FER: variants seen among roughly 807,000 people sequenced by gnomAD.
FER encodes the protein FER tyrosine kinase.
Under a neutral mutation model 111.0 loss-of-function variants are expected in FER, and 63 were observed. The ratio of observed to expected loss-of-function variants is 0.57; its 90% CI spans 0.46 to 0.70. FER has a LOEUF of 0.70. FER is among the 30% of genes least tolerant of loss of function. The pLI, the probability that FER is intolerant of heterozygous loss-of-function variation, is 0.00. For missense variants in FER, 914 were observed against 954.0 expected, an observed-to-expected ratio of 0.96 and a Z score of 0.55; for synonymous variants, 327 against 313.9, an observed-to-expected ratio of 1.04 and a Z score of -0.44.
intron 12 of FER, among the ~76,000 whole-genome samples, chr5:108,958,457 G>A (rs1172017908): frequency 6.6e-6 from 1 of 151,748 alleles, no homozygotes; most frequent in East Asian, 1.9e-4. Flanking sequence ...GATTTGCCAG[G>A]TTTATTGCTA....
chr5:109,029,387 T>G (rs184376757), intron 13 of FER, among the ~76,000 whole-genome samples: 305 of 151,130 alleles, frequency 2.0e-3, no homozygotes, highest in African/African-American at 6.9e-3. Flanking sequence ...CCCAAGGCTT[T>G]CTTTATCTGA....
chr5:108,985,279 A>G (rs1561719818), intron 13 of FER, among the ~76,000 whole-genome samples: 2 of 152,306 alleles, frequency 1.3e-5, no homozygotes, highest in South Asian at 4.1e-4. Flanking sequence ...ATTTTTAGCA[A>G]AATTTAAAAA....
intron 17 of FER, among the ~76,000 whole-genome samples, chr5:109,143,307 C>A (rs1407766942): frequency 1.3e-5 from 2 of 152,114 alleles, no homozygotes; most frequent in Non-Finnish European, 2.9e-5. Flanking sequence ...ACTCTAGACA[C>A]ATAAATTTAC....
intron 13 of FER, among the ~76,000 whole-genome samples, chr5:108,965,664 TTCA>T (rs1170515959): frequency 2.0e-5 from 3 of 152,170 alleles, no homozygotes; most frequent in African/African-American, 7.2e-5. Context: ...TTCTGTTCTA[TTCA>T]TCATCTTTTA....
At chr5:108,993,142 C>A (rs1763478919) in intron 13 of FER, among the ~76,000 whole-genome samples, 1 of 152,124 alleles carries the variant, frequency 6.6e-6, no homozygotes, top group Non-Finnish European at 1.5e-5. Context: ...GGGGTGGCGG[C>A]CGGGCAGAGG....
At chr5:108,839,578 T>C (rs547212656) in intron 5 of FER, among the ~76,000 whole-genome samples, 38 of 142,116 alleles carry the variant, frequency 2.7e-4, no homozygotes, top group Middle Eastern at 3.6e-3. Flanking sequence ...TTTTCTTTTT[T>C]TTTTTTTTTT....
At chr5:108,890,692 C>T (rs1747900672) in intron 9 of FER, among the ~76,000 whole-genome samples, 1 of 152,054 alleles carries the variant, frequency 6.6e-6, no homozygotes, top group Non-Finnish European at 1.5e-5. Flanking sequence ...CAAATAAGGT[C>T]ACATTCTGAG....
intron 5 of FER, among the ~76,000 whole-genome samples, chr5:108,843,562 G>A (rs1454249327): frequency 2.1e-5 from 3 of 143,746 alleles, no homozygotes; most frequent in Non-Finnish European, 3.0e-5. Context: ...ATGGAGTCTC[G>A]CTCTGTCGCC....
At chr5:109,037,550 T>G in intron 14 of FER, 72 bp downstream of exon 14, 1 of 1,257,494 alleles carries the variant, frequency 8.0e-7, no homozygotes, top group Non-Finnish European at 1.1e-6. Flanking sequence ...TTTTTCATTT[T>G]CCTCAAAGCT....
At chr5:108,892,113 C>T (rs1490509986) in intron 9 of FER, among the ~76,000 whole-genome samples, 2 of 152,042 alleles carry the variant, frequency 1.3e-5, no homozygotes, top group African/African-American at 4.8e-5. Context: ...GTGAATAGTG[C>T]CACAATAAAC....
chr5:109,148,713 C>T (rs1310865659), intron 17 of FER, among the ~76,000 whole-genome samples: 1 of 152,114 alleles, frequency 6.6e-6, no homozygotes, highest in Non-Finnish European at 1.5e-5. Flanking sequence ...TGGATAATTT[C>T]CTTATGTAAA....
intron 18 of FER, among the ~76,000 whole-genome samples, chr5:109,182,373 G>A (rs1758372635): frequency 6.6e-6 from 1 of 152,160 alleles, no homozygotes; most frequent in African/African-American, 2.4e-5. Flanking sequence ...GAGCTTTCTA[G>A]TGATTGCAAG....
At position 109,106,719 on chromosome 5, in the gene FER, C is replaced by T. The variant is rs377702481; in HGVS notation, c.2048+6200C>T. 7.7e-4 allele frequency among the ~76,000 whole-genome samples: 117 copies of T among 152,172 alleles called. 3 individuals are homozygous for T. The South Asian group carries it at 0.024, about 31-fold the overall frequency. ...TTTATAAAAATTTTTTATCCTACTG[C>T]TTTATTCAGGGTAAAAATTTCCCAC... On this transcript the variant is annotated intron_variant, in intron 17 of 19. Coordinates refer to ENST00000281092, the MANE Select transcript of FER (RefSeq NM_005246.4).
At chr5:109,119,376 G>A (rs1750674798) in intron 17 of FER, among the ~76,000 whole-genome samples, 1 of 152,220 alleles carries the variant, frequency 6.6e-6, no homozygotes, top group South Asian at 2.1e-4. Flanking sequence ...CTGAGAGACA[G>A]TTTGTTGTAA....
rs550294758 is a variant in FER at position 109,000,292 on chromosome 5, A to G, written c.1657-37130A>G. Among the ~76,000 whole-genome samples, 45 of 152,152 alleles carry G rather than the reference A, an allele frequency of 3.0e-4. No individual in the cohort carries two copies. The South Asian group carries it at 8.9e-3, about 30-fold the overall frequency. ...AAAATTATTTGCCACATATTTAAGC[A>G]GACATTAATTTATTTAATATATAGA... On this transcript the variant is annotated intron_variant, in intron 13 of 19. Transcript: ENST00000281092.
chr5:108,949,694 T>C (rs921801279), intron 11 of FER, among the ~76,000 whole-genome samples: 1 of 152,106 alleles, frequency 6.6e-6, no homozygotes, highest in African/African-American at 2.4e-5. Context: ...TACTGAAATA[T>C]GGTTGCGTAT....
chr5:109,060,199 T>C (rs1417367234), intron 16 of FER, among the ~76,000 whole-genome samples: 1 of 152,198 alleles, frequency 6.6e-6, no homozygotes, highest in Non-Finnish European at 1.5e-5. Context: ...AGGGTTCTTT[T>C]TGGAGTGATG....
At chr5:109,134,323 C>T (rs994419668) in intron 17 of FER, among the ~76,000 whole-genome samples, 2 of 151,968 alleles carry the variant, frequency 1.3e-5, no homozygotes, top group Non-Finnish European at 2.9e-5. Flanking sequence ...TTATATAAAA[C>T]ATAAAGTTTC....
chr5:108,901,730 C>G (rs1187559617), intron 10 of FER, among the ~76,000 whole-genome samples: 1 of 152,108 alleles, frequency 6.6e-6, no homozygotes, highest in Non-Finnish European at 1.5e-5. Flanking sequence ...GGTGGATTTA[C>G]TGCCTGAGTT....
Sources: allele counts gnomAD v4.1 joint callset (sites outside exome capture counted in the v4.1 genomes callset), GRCh38; gene constraint gnomAD v4.1.1; transcripts MANE v1.5; gene names NCBI Gene and HGNC (gene_info 2026-07-23, HGNC 2026-07-21).